The following HDAC9 variants were observed in gnomAD, a reference collection of about 807,000 sequenced individuals.
The protein encoded by HDAC9 is MEF-2 interacting transcription repressor (MITR) protein.
A neutral mutation model predicts 139.4 loss-of-function variants in HDAC9; 41 were observed. That is an observed-to-expected ratio of 0.29 (90% CI 0.23 to 0.38). HDAC9 has a LOEUF of 0.38. Among genes scored for constraint, HDAC9 ranks in the 10% least tolerant of loss-of-function variants. HDAC9 has a pLI of 1.00. For synonymous variants in HDAC9, 517 were observed against 476.2 expected, an observed-to-expected ratio of 1.09 and a Z score of -1.12; for missense variants, 1,147 against 1,297.0, an observed-to-expected ratio of 0.88 and a Z score of 1.78.
At chr7:18,104,251 T>G (rs888655491) in intron 1 of HDAC9, among the ~76,000 whole-genome samples, 4 of 152,224 alleles carry the variant, frequency 2.6e-5, no homozygotes, top group African/African-American at 4.8e-5. Flanking sequence ...TTGTATTTTT[T>G]TTTTTGTTTA....
At chr7:18,361,420 G>A (rs556399419) in intron 1 of HDAC9, among the ~76,000 whole-genome samples, 9 of 152,128 alleles carry the variant, frequency 5.9e-5, no homozygotes, top group Non-Finnish European at 7.4e-5. Context: ...ATTGCATGTC[G>A]ATTTATTTGG....
chr7:18,114,361 T>C (rs145150039), intron 1 of HDAC9, among the ~76,000 whole-genome samples: 5 of 152,332 alleles, frequency 3.3e-5, no homozygotes, highest in East Asian at 1.9e-4. Flanking sequence ...CACATCTATA[T>C]TGGGAGACAG....
chr7:18,615,550 C>G (rs890099382), intron 6 of HDAC9, among the ~76,000 whole-genome samples: 1 of 152,014 alleles, frequency 6.6e-6, no homozygotes, highest in Admixed American at 6.6e-5. Flanking sequence ...TCTTTTTTCT[C>G]TTTTGGATCT....
intron 1 of HDAC9, among the ~76,000 whole-genome samples, chr7:18,414,208 C>T (rs1788833512): frequency 1.3e-5 from 2 of 151,878 alleles, no homozygotes; most frequent in African/African-American, 2.4e-5. Flanking sequence ...GCAGAACTTT[C>T]AGATTTTTTT....
intron 17 of HDAC9, among the ~76,000 whole-genome samples, chr7:18,800,427 T>C (rs1036480728): frequency 1.3e-5 from 2 of 152,212 alleles, no homozygotes; most frequent in African/African-American, 4.8e-5. Context: ...GCATTGAATC[T>C]ACAGATGAGT....
chr7:18,155,418 T>C (rs1415812168), intron 1 of HDAC9, among the ~76,000 whole-genome samples: 2 of 152,204 alleles, frequency 1.3e-5, no homozygotes, highest in Admixed American at 6.5e-5. Flanking sequence ...GTGCAGGTAC[T>C]GTAGTTGGCA....
chr7:18,139,776 G>T (rs529492833), intron 1 of HDAC9, among the ~76,000 whole-genome samples: 2 of 152,142 alleles, frequency 1.3e-5, no homozygotes, highest in Non-Finnish European at 2.9e-5. Context: ...TTATAAAGAG[G>T]GAGACAGAGG....
intron 1 of HDAC9, among the ~76,000 whole-genome samples, chr7:18,459,197 C>T (rs987866799): frequency 6.6e-6 from 1 of 152,006 alleles, no homozygotes; most frequent in African/African-American, 2.4e-5. Context: ...TATCTTAGGC[C>T]CCTGCATTCC....
intron 6 of HDAC9, among the ~76,000 whole-genome samples, chr7:18,614,143 G>T (rs762255824): frequency 6.6e-6 from 1 of 152,028 alleles, no homozygotes; most frequent in Non-Finnish European, 1.5e-5. Flanking sequence ...GGTTGATCAG[G>T]ACTGCCTTCA....
Position 18,946,036 on chromosome 7 carries a change from C to CAAAAAAAAAAAAAAAAAA in HDAC9, c.2938-8089_2938-8072dup, listed in dbSNP as rs1171055959. Among the ~76,000 whole-genome samples, 6 of 38,276 alleles carry CAAAAAAAAAAAAAAAAAA rather than the reference C, an allele frequency of 1.6e-4. 1 individual carries two copies. The highest frequency in any genetic ancestry group is 2.6e-4 in the Non-Finnish European group (5 of 19,556). 25.1% of individuals were successfully genotyped at this position (38,276 alleles called of 152,430 possible). On this transcript the variant is annotated intron_variant, in intron 23 of 25. Transcript: ENST00000686413. ...TGGGTGATAGTACAAGACTCCGTCT[C>CAAAAAAAAAAAAAAAAAA]AAAAAAAAAAAAAAAAAAAAAAAAA...
At chr7:18,963,768 G>A (rs1296669659) in intron 24 of HDAC9, among the ~76,000 whole-genome samples, 7 of 152,270 alleles carry the variant, frequency 4.6e-5, no homozygotes, top group East Asian at 3.9e-4. Flanking sequence ...ACTAGCAAGC[G>A]TTATCTCTGA....
intron 21 of HDAC9, among the ~76,000 whole-genome samples, chr7:18,861,786 T>A (rs951795107): frequency 1.3e-5 from 2 of 152,182 alleles, no homozygotes; most frequent in Non-Finnish European, 2.9e-5. Context: ...CAATATAAAC[T>A]TACTAAATGT....
chr7:18,195,557 G>T (rs1790665873), intron 2 of HDAC9, among the ~76,000 whole-genome samples: 1 of 152,156 alleles, frequency 6.6e-6, no homozygotes. Flanking sequence ...TTTAGGATCA[G>T]TGATAAGGGA....
chr7:18,681,404 G>T (rs1781880125), intron 12 of HDAC9, among the ~76,000 whole-genome samples: 1 of 151,788 alleles, frequency 6.6e-6, no homozygotes, highest in South Asian at 2.1e-4. Flanking sequence ...TAGTCAATAT[G>T]TTCAGTTTTT....
Position 18,998,984 on chromosome 7 carries a change from A to G in HDAC9, c.*2922A>G, listed in dbSNP as rs1786613451. 1 of 152,214 alleles carries G rather than the reference A, an allele frequency of 6.6e-6. No homozygotes were observed. Among genetic ancestry groups the G allele is most frequent in the African/African-American group, 2.4e-5 (1 of 41,452 alleles). 9.4% of individuals were successfully genotyped at this position (152,214 alleles called of 1,614,324 possible). On this transcript the variant is annotated 3_prime_UTR_variant, in exon 26 of 26. Coordinates refer to ENST00000686413, the MANE Select transcript of HDAC9 (RefSeq NM_178425.4). ...ACAGTTTTATTAAATAGTAACCAAA[A>G]TGGACTCAAATAAAACCAGAGGCTA...
At chr7:18,900,881 A>C (rs1396868353) in intron 22 of HDAC9, among the ~76,000 whole-genome samples, 1 of 152,080 alleles carries the variant, frequency 6.6e-6, no homozygotes, top group Non-Finnish European at 1.5e-5. Context: ...TGCTAATAAG[A>C]GCCACAACTT....
intron 2 of HDAC9, among the ~76,000 whole-genome samples, chr7:18,173,564 T>G (rs766212958): frequency 3.9e-5 from 6 of 152,234 alleles, no homozygotes; most frequent in Non-Finnish European, 8.8e-5. Context: ...TCTTTACAAT[T>G]TGGCATGTTT....
intron 16 of HDAC9, among the ~76,000 whole-genome samples, chr7:18,788,090 C>T (rs1477686839): frequency 1.3e-5 from 2 of 152,106 alleles, no homozygotes; most frequent in Non-Finnish European, 2.9e-5. Context: ...CTCTCTGCAC[C>T]ACCTGACTCT....
chr7:18,374,611 A>G (rs1784851033), intron 1 of HDAC9, among the ~76,000 whole-genome samples: 2 of 152,094 alleles, frequency 1.3e-5, no homozygotes, highest in South Asian at 4.1e-4. Context: ...ACTAGGTTAT[A>G]GGAATTTTTC....
Sources: allele counts gnomAD v4.1 joint callset (sites outside exome capture counted in the v4.1 genomes callset), GRCh38; gene constraint gnomAD v4.1.1; transcripts MANE v1.5; gene names NCBI Gene and HGNC (gene_info 2026-07-23, HGNC 2026-07-21).